The following PCDHGA7 variants were observed in gnomAD, a reference collection of about 807,000 sequenced individuals.
The protein encoded by PCDHGA7 is protocadherin gamma subfamily A, 7.
Under a neutral mutation model 58.3 loss-of-function variants are expected in PCDHGA7, and 44 were observed. The observed-to-expected ratio is 0.75, with a 90% confidence interval of 0.59 to 0.97. The LOEUF is 0.97. PCDHGA7 is among the 50% of genes least tolerant of loss of function. The pLI, the probability that PCDHGA7 is intolerant of heterozygous loss-of-function variation, is 0.00. For synonymous variants in PCDHGA7, 516 were observed against 504.2 expected (o/e 1.02, Z -0.31); for missense variants, 1,266 against 1,188.7 (o/e 1.06, Z -0.96).
intron 1 of PCDHGA7, among the ~76,000 whole-genome samples, chr5:141,457,920 C>T (rs1340816332): frequency 6.6e-6 from 1 of 150,868 alleles, no homozygotes; most frequent in Non-Finnish European, 1.5e-5. Flanking sequence ...GCCAGTTCTC[C>T]CCAAGGGGCT....
At position 141,511,005 on chromosome 5, in the gene PCDHGA7, C is replaced by T; in HGVS notation, c.2631C>T (p.Ala877=). ...GGGAGTMGLS[A]RYGPQFTLQH... The stretch of plus-strand genomic sequence containing the variant: ...GTGCCGGCACCATGGGATTGAGCGC[C>T]CGCTACGGACCCCAGTTCACCCTGC... Residue 877 remains alanine, a synonymous_variant, in exon 4 of 4, where the codon GCC becomes GCT. Coordinates refer to ENST00000518325, the MANE Select transcript of PCDHGA7 (RefSeq NM_018920.4). The T allele has an allele frequency of 6.2e-7, 1 of 1,614,176 alleles. No individual in the cohort carries two copies.
Position 141,476,072 on chromosome 5 carries a change from C to A in PCDHGA7, c.2425-18735C>A. 1.3e-6 allele frequency: 2 copies of A among 1,523,462 alleles called. No individual in the cohort carries two copies. The highest frequency in any genetic ancestry group is 1.3e-5 in the South Asian group (1 of 77,998). 94.4% of individuals were successfully genotyped at this position (1,523,462 alleles called of 1,614,324 possible). The stretch of plus-strand genomic sequence containing the variant: ...CGCTGAAAGTTTCTCAGCGAAATCT[C>A]AGGGACGATCTGGACCCCGCTGAGA... On this transcript the variant is annotated intron_variant, in intron 1 of 3. Coordinates refer to ENST00000518325, the MANE Select transcript of PCDHGA7 (RefSeq NM_018920.4). The surrounding 1 kb of genome is among the most constrained non-coding windows in gnomAD (Gnocchi z 7.6).
At chr5:141,427,869 AC>A in intron 1 of PCDHGA7, 1 of 1,559,604 alleles carries the variant, frequency 6.4e-7, no homozygotes, top group Non-Finnish European at 8.8e-7. Context: ...CTTCGAGCTC[AC>A]GATGCAGGCC....
intron 1 of PCDHGA7, chr5:141,414,324 T>G (rs2095735584): frequency 6.2e-7 from 1 of 1,613,758 alleles, no homozygotes; most frequent in South Asian, 1.1e-5. Context: ...CTGAGCAGAA[T>G]GGACAGGTAA....
rs191916514 is a variant in PCDHGA7, at chr5:141,456,716, G to A, written c.2425-38091G>A. 3.9e-3 allele frequency among the ~76,000 whole-genome samples: 589 copies of A among 152,314 alleles called. 5 individuals carry two copies. Among genetic ancestry groups the A allele is most frequent in the Admixed American group, 0.011 (169 of 15,300 alleles). On this transcript the variant is annotated intron_variant, in intron 1 of 3. Transcript: ENST00000518325. ...GTGGTGGCTCGCGCCTGTAATCCCA[G>A]CACTTTGGGAGGCTGAGGCGGGAGC...
intron 3 of PCDHGA7, among the ~76,000 whole-genome samples, chr5:141,506,484 C>T (rs1489425559): frequency 6.6e-6 from 1 of 150,566 alleles, no homozygotes; most frequent in Non-Finnish European, 1.5e-5. Context: ...GCTTTAGAGG[C>T]AGGCCAATCT....
chr5:141,507,365 C>G (rs1279257057), intron 3 of PCDHGA7: 1 of 152,092 alleles, frequency 6.6e-6, no homozygotes, highest in African/African-American at 2.4e-5. Context: ...ACTGGGAGCC[C>G]TGTACTTTTA....
chr5:141,503,136 A>G (rs1352550702), intron 2 of PCDHGA7, among the ~76,000 whole-genome samples: 5 of 151,846 alleles, frequency 3.3e-5, no homozygotes, highest in Admixed American at 2.0e-4. Context: ...GTAGCCCCTG[A>G]CACAGCCCAT....
chr5:141,404,995 T>A (rs1561697585), intron 1 of PCDHGA7: 1 of 1,614,008 alleles, frequency 6.2e-7, no homozygotes, highest in Non-Finnish European at 8.5e-7. Context: ...TTCAGATCCC[T>A]GCAGACCTGG....
chr5:141,398,989 T>A lies in PCDHGA7; in HGVS notation c.2424+13666T>A, dbSNP rs766277028. 153 of 1,613,914 alleles carry A rather than the reference T, an allele frequency of 9.5e-5. No individual in the cohort carries two copies. The Middle Eastern group carries it at 3.6e-3, about 38-fold the overall frequency. ...TTCCTTCTACAGAACCGGGCAAATC[T>A]TTAGTCTGAATTCAAAGAGCGGAGA... is the stretch of plus-strand genomic sequence containing the variant. On this transcript the variant is annotated intron_variant, in intron 1 of 3. Coordinates refer to ENST00000518325, the MANE Select transcript of PCDHGA7 (RefSeq NM_018920.4).
chr5:141,496,163 A>T (rs1249396595), intron 2 of PCDHGA7, among the ~76,000 whole-genome samples: 2 of 150,100 alleles, frequency 1.3e-5, no homozygotes, highest in Non-Finnish European at 3.0e-5. Flanking sequence ...TCCACCAGAC[A>T]CCCTCCCATC....
At chr5:141,466,279 T>A (rs1386803685) in intron 1 of PCDHGA7, among the ~76,000 whole-genome samples, 1 of 152,144 alleles carries the variant, frequency 6.6e-6, no homozygotes, top group Non-Finnish European at 1.5e-5. Flanking sequence ...CAAGCAATCT[T>A]CCCACCTCAG....
In PCDHGA7 at chr5:141,431,561, G is replaced by T; in HGVS notation, c.2424+46238G>T. The T allele has an allele frequency of 6.2e-7, 1 of 1,614,146 alleles. No homozygotes were observed. On this transcript the variant is annotated intron_variant, in intron 1 of 3. Transcript: ENST00000518325. This position sits in a 1 kb window ranked among gnomAD's most constrained non-coding sequence, Gnocchi z 4.8. Reference sequence around the variant, plus strand: ...GCAGCTGCTTGTAGTCAACGCTACCGACCCTGACGAAGGAGTCAATGCGGA... The same window carrying T: ...GCAGCTGCTTGTAGTCAACGCTACCTACCCTGACGAAGGAGTCAATGCGGA...
At position 141,432,686 on chromosome 5, in the gene PCDHGA7, G is replaced by T. The variant is rs2097528577; in HGVS notation, c.2424+47363G>T. ...CAGAGACGCGCTCAAGCAGAGCCTC[G>T]TAGTGGCCGTCCAGGACCACGGCCA... On this transcript the variant is annotated intron_variant, in intron 1 of 3. Transcript: ENST00000518325. The surrounding 1 kb of genome is among the most constrained non-coding windows in gnomAD (Gnocchi z 6.0). 6.2e-7 allele frequency: 1 copy of T among 1,613,922 alleles called. No individual in the cohort carries two copies. Among genetic ancestry groups the T allele is most frequent in the Non-Finnish European group, 8.5e-7 (1 of 1,179,968 alleles).
rs972633773 is a variant in PCDHGA7, at chr5:141,489,751, A to T, written c.2425-5056A>T. ...GGGCACCAATACTGTGAGCTTTTAC[A>T]CTCTAAGCCCCAACAGCCACTTCTC... On this transcript the variant is annotated intron_variant, in intron 1 of 3. Coordinates refer to ENST00000518325, the MANE Select transcript of PCDHGA7 (RefSeq NM_018920.4). The surrounding 1 kb of genome is among the most constrained non-coding windows in gnomAD (Gnocchi z 4.5). The T allele has an allele frequency of 1.9e-6, 3 of 1,613,740 alleles. No individual in the cohort carries two copies. Among genetic ancestry groups the T allele is most frequent in the African/African-American group, 2.7e-5 (2 of 74,840 alleles).
At chr5:141,483,988 G>A (rs78891657) in intron 1 of PCDHGA7, among the ~76,000 whole-genome samples, 1,520 of 149,036 alleles carry the variant, frequency 0.01, 30 homozygotes, top group African/African-American at 0.037. Flanking sequence ...TAGCTAGGTT[G>A]CTGGGAGGTC....
intron 1 of PCDHGA7, among the ~76,000 whole-genome samples, chr5:141,484,179 A>G (rs2099592960): frequency 6.6e-6 from 1 of 152,222 alleles, no homozygotes; most frequent in South Asian, 2.1e-4. Context: ...GATCTCAATC[A>G]TTCAAGGAAG....
intron 1 of PCDHGA7, chr5:141,417,205 C>G (rs1217296715): frequency 6.6e-6 from 1 of 151,986 alleles, no homozygotes; most frequent in Non-Finnish European, 1.5e-5. Context: ...TGAATATAGG[C>G]TAGAATTGAA....
rs200491568 is a variant in PCDHGA7, at chr5:141,493,146, G to A, written c.2425-1661G>A. 9.6e-6 allele frequency among the ~76,000 whole-genome samples: 1 copy of A among 104,172 alleles called. No homozygotes were observed. The highest frequency in any genetic ancestry group is 3.1e-5 in the African/African-American group (1 of 32,680). 68.3% of individuals were successfully genotyped at this position (104,172 alleles called of 152,430 possible). A position where few individuals can be genotyped will look rare whatever the true frequency, so the allele number is the denominator to read the frequency against. On this transcript the variant is annotated intron_variant, in intron 1 of 3. Transcript: ENST00000518325. The surrounding 1 kb of genome is among the most constrained non-coding windows in gnomAD (Gnocchi z 4.3). ...AGGACTGTATTTTGAAACACCCCCA[G>A]GTGATTTTGATAGCTGATTGAGAGA... is the stretch of plus-strand genomic sequence containing the variant.
Sources: gnomAD v4.1 joint callset for allele counts (sites outside exome capture counted in the v4.1 genomes callset) on GRCh38, gnomAD v4.1.1 for gene constraint, Gnocchi (gnomAD v3.1) non-coding constraint, MANE v1.5 for transcripts, NCBI Gene and HGNC (gene_info 2026-07-23, HGNC 2026-07-21) for gene names.